Variants in DPP6 observed in about 807,000 individuals in gnomAD.
The protein encoded by DPP6 is dipeptidyl peptidase like 6, also known as A-type potassium channel modulatory protein DPP6.
A neutral mutation model predicts 122.6 loss-of-function variants in DPP6; 69 were observed. The observed-to-expected ratio is 0.56, with a 90% CI of 0.46 to 0.69. The LOEUF is 0.69. Among genes scored for constraint, DPP6 ranks in the 30% least tolerant of loss-of-function variants. The probability of loss-of-function intolerance (pLI) is 0.00; values close to 1 mark genes in which losing one functional copy is unlikely to be tolerated. For synonymous variants in DPP6, 418 were observed against 433.1 expected, an observed-to-expected ratio of 0.97 and a Z score of 0.43; for missense variants, 928 against 1,116.9, an observed-to-expected ratio of 0.83 and a Z score of 2.41.
At chr7:154,726,514 G>A (rs1159301131) in intron 7 of DPP6, among the ~76,000 whole-genome samples, 3 of 152,198 alleles carry the variant, frequency 2.0e-5, no homozygotes, top group Admixed American at 6.5e-5. Context: ...TGGTGTGGGC[G>A]CAATGCAGGG....
intron 1 of DPP6, among the ~76,000 whole-genome samples, chr7:154,119,107 T>C (rs1266414809): frequency 9.2e-5 from 14 of 152,164 alleles, no homozygotes; most frequent in Non-Finnish European, 1.8e-4. Context: ...CTGTGATGGA[T>C]TGGGCTATAA....
chr7:154,067,858 C>A (rs1210224932), intron 1 of DPP6, among the ~76,000 whole-genome samples: 4 of 151,716 alleles, frequency 2.6e-5, no homozygotes, highest in South Asian at 4.2e-4. Context: ...GATCTTCCTG[C>A]CTCAGCCTGT....
chr7:154,886,504 T>C (rs961452267), intron 22 of DPP6, among the ~76,000 whole-genome samples: 20 of 152,210 alleles, frequency 1.3e-4, no homozygotes, highest in Admixed American at 3.9e-4. Context: ...TCTCTGAACC[T>C]GAGCTCTGTG....
chr7:154,173,359 GT>G (rs1246356240), intron 1 of DPP6, among the ~76,000 whole-genome samples: 12 of 152,158 alleles, frequency 7.9e-5, no homozygotes, highest in Non-Finnish European at 1.6e-4. Context: ...AAGAAGTGAC[GT>G]AAAGGAAACA....
chr7:154,181,742 TCTCC>T (rs1286397066), intron 1 of DPP6, among the ~76,000 whole-genome samples: 2 of 149,582 alleles, frequency 1.3e-5, no homozygotes, highest in East Asian at 3.9e-4. Context: ...TGAAAATGCA[TCTCC>T]CTCTTTTTTT....
intron 4 of DPP6, among the ~76,000 whole-genome samples, chr7:154,556,089 T>C (rs1219618708): frequency 2.0e-5 from 3 of 152,190 alleles, no homozygotes. Context: ...TATACTCTTT[T>C]ACCTGCAGTG....
At chr7:154,769,375 C>A in intron 8 of DPP6, 42 bp from the exon 9 acceptor site, 1 of 1,609,802 alleles carries the variant, frequency 6.2e-7, no homozygotes, top group Non-Finnish European at 8.5e-7. Context: ...AATTTCCACT[C>A]ACTTGTTACT....
At chr7:154,438,401 C>CT (rs1301506692) in intron 1 of DPP6, among the ~76,000 whole-genome samples, 2 of 122,832 alleles carry the variant, frequency 1.6e-5, no homozygotes, top group Non-Finnish European at 3.2e-5. Context: ...ACCCAGGAGG[C>CT]GGAGCTTGCA....
chr7:154,876,241 G>C, intron 20 of DPP6, 141 bp downstream of exon 20: 3 of 1,305,662 alleles, frequency 2.3e-6, no homozygotes, highest in Non-Finnish European at 2.9e-6. Flanking sequence ...AAATCTCTTG[G>C]CCATTCCAAA....
chr7:154,036,389 G>T (rs1031578496), intron 1 of DPP6, among the ~76,000 whole-genome samples: 3 of 148,250 alleles, frequency 2.0e-5, no homozygotes. Context: ...CCAAAGTGCT[G>T]GGATTACAGG....
chr7:154,267,762 A>G (rs1320043837), intron 1 of DPP6, among the ~76,000 whole-genome samples: 2 of 4,134 alleles, frequency 4.8e-4, no homozygotes, highest in African/African-American at 2.5e-3. Flanking sequence ...CCTTATAAAC[A>G]CATATACACA....
chr7:154,841,915 C>T (rs1801580382), intron 16 of DPP6, among the ~76,000 whole-genome samples: 1 of 152,014 alleles, frequency 6.6e-6, no homozygotes, highest in African/African-American at 2.4e-5. Flanking sequence ...TTGATGTCAG[C>T]GATAACAAGG....
intron 16 of DPP6, among the ~76,000 whole-genome samples, chr7:154,814,231 A>C (rs539610587): frequency 2.0e-5 from 3 of 152,186 alleles, no homozygotes; most frequent in African/African-American, 7.2e-5. Context: ...CTATGTTCCC[A>C]TTTCTGATTC....
At chr7:153,862,468 C>T in the DPP6 span, among the ~76,000 whole-genome samples, 5 of 152,210 alleles carry the variant, frequency 3.3e-5, no homozygotes, top group African/African-American at 1.2e-4. Context: ...TAACTGTCAC[C>T]TTCACATCAC....
intron 1 of DPP6, among the ~76,000 whole-genome samples, chr7:154,141,358 C>A (rs1198027581): frequency 6.6e-6 from 1 of 152,202 alleles, no homozygotes; most frequent in African/African-American, 2.4e-5. Context: ...CAGTGCGACT[C>A]CCATCACTGC....
At chr7:154,655,928 A>G (rs759419511) in intron 6 of DPP6, among the ~76,000 whole-genome samples, 31 of 152,130 alleles carry the variant, frequency 2.0e-4, no homozygotes, top group Non-Finnish European at 3.7e-4. Flanking sequence ...GCCTTGGTGG[A>G]ACTGGGAAAT....
At chr7:154,803,011 CG>C (rs1563227769) in intron 13 of DPP6, among the ~76,000 whole-genome samples, 1 of 152,028 alleles carries the variant, frequency 6.6e-6, no homozygotes, top group Non-Finnish European at 1.5e-5. Context: ...AGGAACCCCT[CG>C]GGGGGCCCCC....
chr7:154,353,865 T>A (rs1397857138), intron 1 of DPP6, among the ~76,000 whole-genome samples: 1 of 152,238 alleles, frequency 6.6e-6, no homozygotes, highest in African/African-American at 2.4e-5. Flanking sequence ...GACCTTTGCA[T>A]AGAAAATCAT....
intron 1 of DPP6, among the ~76,000 whole-genome samples, chr7:154,027,686 A>G (rs1799014037): frequency 6.6e-6 from 1 of 151,746 alleles, no homozygotes; most frequent in African/African-American, 2.4e-5. Flanking sequence ...TTTTCAGATG[A>G]ACAGAGACTT....
Sources: gnomAD v4.1 joint callset for allele counts (sites outside exome capture counted in the v4.1 genomes callset) on GRCh38, gnomAD v4.1.1 for gene constraint, MANE v1.5 for transcripts, NCBI Gene and HGNC (gene_info 2026-07-23, HGNC 2026-07-21) for gene names.